API5: variants seen among roughly 807,000 people sequenced by gnomAD.
API5 encodes the protein apoptosis inhibitor 5.
API5 carries 6 observed loss-of-function variants against 71.9 expected under a neutral mutation model. The ratio of observed to expected loss-of-function variants is 0.08; its 90% CI spans 0.05 to 0.16. The LOEUF is 0.16. Among genes scored for constraint, API5 ranks in the 10% least tolerant of loss-of-function variants. API5 has a pLI of 1.00. For synonymous variants in API5, 189 were observed against 221.3 expected, an observed-to-expected ratio of 0.85 and a Z score of 1.30; for missense variants, 332 against 612.8, an observed-to-expected ratio of 0.54 and a Z score of 4.84.
chr11:43,320,380 T>G (rs1358778119), intron 2 of API5, among the ~76,000 whole-genome samples: 1 of 152,096 alleles, frequency 6.6e-6, no homozygotes, highest in Non-Finnish European at 1.5e-5. Context: ...GCTAGAAATC[T>G]GCTGTTTCAT....
intron 13 of API5, among the ~76,000 whole-genome samples, chr11:43,340,036 A>G (rs189786721): frequency 6.6e-6 from 1 of 152,270 alleles, no homozygotes. Context: ...TATATATATA[A>G]AAACAAAACT....
At chr11:43,328,026 T>G (rs1855132525) in intron 8 of API5, 148 bp downstream of exon 8, 3 of 486,270 alleles carry the variant, frequency 6.2e-6, no homozygotes, top group Non-Finnish European at 1.1e-5. Context: ...AGGCCACATG[T>G]TGTTGTCTAC....
At chr11:43,341,492 A>G (rs1476613791) in intron 13 of API5, among the ~76,000 whole-genome samples, 2 of 152,206 alleles carry the variant, frequency 1.3e-5, no homozygotes, top group Non-Finnish European at 2.9e-5. Context: ...AGCAATGGAA[A>G]ATTAAACAAT....
chr11:43,312,272 C>T, intron 1 of API5, 76 bp downstream of exon 1: 4 of 1,484,592 alleles, frequency 2.7e-6, no homozygotes, highest in South Asian at 1.2e-5. Flanking sequence ...CCGCACTCCC[C>T]GGGCCGAGCG....
chr11:43,326,644 G>A (rs1351357731), intron 7 of API5, 33 bp downstream of exon 7: 3 of 1,182,468 alleles, frequency 2.5e-6, no homozygotes, highest in Non-Finnish European at 2.5e-6. Flanking sequence ...GCACTGATAA[G>A]GCATTCTTAT....
At position 43,312,057 on chromosome 11, in the gene API5, A is replaced by T; in HGVS notation, c.-71A>T. 6.4e-7 allele frequency: 1 copy of T among 1,553,872 alleles called. No homozygotes were observed. Among genetic ancestry groups the T allele is most frequent in the South Asian group, 1.1e-5 (1 of 88,530 alleles). ...AATAGTGCGGGTAGTGGGTTTGGAG[A>T]AGTTCCGAGGCGGCGGTGGCGCCGG... On this transcript the variant is annotated 5_prime_UTR_variant, in exon 1 of 14. Transcript: ENST00000531273.
At position 43,311,999 on chromosome 11, in the gene API5, A is replaced by T; in HGVS notation, c.-129A>T. 3 of 1,060,080 alleles carry T rather than the reference A, an allele frequency of 2.8e-6. No individual in the cohort carries two copies. The South Asian group carries it at 4.6e-5, about 16-fold the overall frequency. 65.7% of individuals were successfully genotyped at this position (1,060,080 alleles called of 1,614,324 possible). A position where few individuals can be genotyped will look rare whatever the true frequency, so the allele number is the denominator to read the frequency against. On this transcript the variant is annotated 5_prime_UTR_variant, in exon 1 of 14. Coordinates refer to ENST00000531273, the MANE Select transcript of API5 (RefSeq NM_001142930.2). ...GGGCGCAGCCGCGCTGTGCGCGGTG[A>T]CTGGCGGCTGCACTGGCGGCAGCTG... is the stretch of plus-strand genomic sequence containing the variant.
Position 43,329,977 on chromosome 11 carries a change from T to C in API5, c.1140T>C (p.Phe380=). The change falls in exon 10 of 14, where the codon TTT becomes TTC. Residue 380 remains phenylalanine (F), a synonymous_variant. Coordinates refer to ENST00000531273, the MANE Select transcript of API5 (RefSeq NM_001142930.2). ...LKDFKIRLQY[F]ARGLQVYIRQ... is the part of the protein sequence containing the mutation. Reference sequence around the variant, plus strand: ...CATTTTCATTTAGGCTGCAGTACTTTGCACGGGGCCTGCAAGTTTATATCA... The same window carrying C: ...CATTTTCATTTAGGCTGCAGTACTTCGCACGGGGCCTGCAAGTTTATATCA... The C allele has an allele frequency of 1.2e-6, 2 of 1,613,830 alleles. No homozygotes were observed. The highest frequency in any genetic ancestry group is 1.1e-5 in the South Asian group (1 of 91,078).
chr11:43,328,926 C>CA, intron 9 of API5, 33 bp downstream of exon 9: 1 of 1,608,400 alleles, frequency 6.2e-7, no homozygotes, highest in Non-Finnish European at 8.5e-7. Context: ...CAATCCTTGG[C>CA]AAAGGTGGTA....
rs1855679046 is a variant in API5 at position 43,343,183 on chromosome 11, C to G, written c.*673C>G. 1.3e-5 allele frequency: 2 copies of G among 153,276 alleles called. No homozygotes were observed. 9.5% of individuals were successfully genotyped at this position (153,276 alleles called of 1,614,324 possible). A position where few individuals can be genotyped will look rare whatever the true frequency, so the allele number is the denominator to read the frequency against. Reference sequence around the variant, plus strand: ...TGTGTATGTATAATATACATACATACATAAGCATATATGTGTGTGTGTGTG... The same window carrying G: ...TGTGTATGTATAATATACATACATAGATAAGCATATATGTGTGTGTGTGTG... On this transcript the variant is annotated 3_prime_UTR_variant, in exon 14 of 14. Coordinates refer to ENST00000531273, the MANE Select transcript of API5 (RefSeq NM_001142930.2).
At chr11:43,320,774 T>G in intron 2 of API5, 47 bp from the exon 3 acceptor site, 1 of 1,404,136 alleles carries the variant, frequency 7.1e-7, no homozygotes, top group African/African-American at 1.4e-5. Context: ...GTTTGTTATT[T>G]TAAAGGTGAT....
At chr11:43,323,052 A>G (rs944444901) in intron 5 of API5, among the ~76,000 whole-genome samples, 1 of 151,832 alleles carries the variant, frequency 6.6e-6, no homozygotes, top group Non-Finnish European at 1.5e-5. Context: ...TTGCTACAGA[A>G]TTTTTCCAAC....
chr11:43,327,430 T>C (rs1348243543), intron 7 of API5, among the ~76,000 whole-genome samples: 1 of 152,248 alleles, frequency 6.6e-6, no homozygotes, highest in Non-Finnish European at 1.5e-5. Context: ...ATAGTTAATA[T>C]ATTTATCATT....
chr11:43,334,551 C>T (rs1855367104), intron 11 of API5, among the ~76,000 whole-genome samples: 2 of 151,960 alleles, frequency 1.3e-5, no homozygotes, highest in South Asian at 4.1e-4. Flanking sequence ...TGAATTTTAC[C>T]TATATACAAA....
chr11:43,329,378 T>TC (rs1554975839), intron 9 of API5: 1 of 154,136 alleles, frequency 6.5e-6, no homozygotes, highest in Non-Finnish European at 1.4e-5. Context: ...TAAAAAAAAT[T>TC]AAAAGACAGA....
At chr11:43,320,164 G>A (rs977648774) in intron 2 of API5, among the ~76,000 whole-genome samples, 3 of 149,798 alleles carry the variant, frequency 2.0e-5, no homozygotes, top group South Asian at 2.1e-4. Flanking sequence ...TTCTGTCTTA[G>A]CCTCCCAAGT....
intron 10 of API5, 51 bp downstream of exon 10, chr11:43,330,109 T>C (rs1855205647): frequency 7.0e-7 from 1 of 1,429,358 alleles, no homozygotes; most frequent in African/African-American, 1.4e-5. Flanking sequence ...TACCAAACTA[T>C]ATAGACTTGT....
Position 43,323,588 on chromosome 11 carries a change from T to C in API5, c.702T>C (p.Cys234=). ...CCTTCAATCCCTCGGATCCTGACTG[T>C]GTGGACAGGCTCTTACAGTGCACTC... ...EQTFNPSDPD[C]VDRLLQCTRQ... The change falls in exon 6 of 14, where the codon TGT becomes TGC. Residue 234 remains cysteine, a synonymous_variant. Coordinates refer to ENST00000531273, the MANE Select transcript of API5 (RefSeq NM_001142930.2). 1.2e-6 allele frequency: 2 copies of C among 1,614,084 alleles called. No individual in the cohort carries two copies. The highest frequency in any genetic ancestry group is 1.7e-6 in the Non-Finnish European group (2 of 1,179,966).
intron 13 of API5, among the ~76,000 whole-genome samples, chr11:43,336,488 A>G (rs1283233028): frequency 6.6e-6 from 1 of 152,294 alleles, no homozygotes; most frequent in East Asian, 1.9e-4. Context: ...AGCAAGGAAG[A>G]TGTGTTCTAT....
Sources: allele counts gnomAD v4.1 joint callset (sites outside exome capture counted in the v4.1 genomes callset), GRCh38; gene constraint gnomAD v4.1.1; transcripts MANE v1.5; gene names NCBI Gene and HGNC (gene_info 2026-07-23, HGNC 2026-07-21).